SSBP3: variants seen among roughly 807,000 people sequenced by gnomAD.
The protein encoded by SSBP3 is single stranded DNA binding protein 3.
SSBP3 carries 5 observed loss-of-function variants against 69.6 expected under a neutral mutation model. That is an observed-to-expected ratio of 0.07 (90% confidence interval 0.04 to 0.15). The LOEUF is 0.15. SSBP3 is among the 10% of genes least tolerant of loss of function. The pLI is 1.00. For synonymous variants in SSBP3, 196 were observed against 193.4 expected, an observed-to-expected ratio of 1.01 and a Z score of -0.11; for missense variants, 312 against 534.0, an observed-to-expected ratio of 0.58 and a Z score of 4.10.
chr1:54,249,578 C>T (rs1644791673), intron 9 of SSBP3, among the ~76,000 whole-genome samples: 1 of 152,006 alleles, frequency 6.6e-6, no homozygotes, highest in African/African-American at 2.4e-5. Flanking sequence ...GCCTGTAGTC[C>T]CAGCTACTTG....
At chr1:54,339,203 A>AG (rs1325962247) in intron 4 of SSBP3, among the ~76,000 whole-genome samples, 1 of 152,196 alleles carries the variant, frequency 6.6e-6, no homozygotes, top group African/African-American at 2.4e-5. Flanking sequence ...ATGGGGGAGA[A>AG]GGGGGTCTTA....
At chr1:54,404,811 G>GGA (rs1553151465) in intron 2 of SSBP3, 47 bp downstream of exon 2, 25 of 990,732 alleles carry the variant, frequency 2.5e-5, no homozygotes, top group African/African-American at 7.2e-5. Flanking sequence ...AGAATAGTGG[G>GGA]GGGGGGGGGT....
intron 7 of SSBP3, among the ~76,000 whole-genome samples, chr1:54,253,186 G>GTTTTT (rs1491370826): frequency 1.7e-5 from 2 of 115,178 alleles, no homozygotes; most frequent in African/African-American, 7.4e-5. Flanking sequence ...TTTTTTTTTA[G>GTTTTT]TTTTTGTTTT....
chr1:54,357,942 C>T (rs908957241), intron 4 of SSBP3, among the ~76,000 whole-genome samples: 6 of 152,156 alleles, frequency 3.9e-5, no homozygotes, highest in African/African-American at 1.2e-4. Flanking sequence ...ACAGCACTTC[C>T]ACACCTACAC....
chr1:54,334,160 T>G (rs191825129), intron 4 of SSBP3, among the ~76,000 whole-genome samples: 102 of 152,280 alleles, frequency 6.7e-4, no homozygotes, highest in Middle Eastern at 6.8e-3. Flanking sequence ...GAGACCATCC[T>G]GGCCAACATG....
At chr1:54,344,158 C>A (rs1443664624) in intron 4 of SSBP3, among the ~76,000 whole-genome samples, 1 of 151,686 alleles carries the variant, frequency 6.6e-6, no homozygotes, top group Non-Finnish European at 1.5e-5. Flanking sequence ...CTTGTAAGGG[C>A]AGAGAAACGT....
intron 4 of SSBP3, among the ~76,000 whole-genome samples, chr1:54,355,353 A>G (rs533293483): frequency 6.6e-6 from 1 of 152,180 alleles, no homozygotes; most frequent in East Asian, 1.9e-4. Context: ...AATTTATTTT[A>G]CTTATTTATT....
rs537655371 is a variant in SSBP3, at chr1:54,281,754, C to T, written c.277-227G>A. Among the ~76,000 whole-genome samples the T allele has an allele frequency of 3.9e-5, 6 of 152,246 alleles. No individual in the cohort carries two copies. The South Asian group carries it at 6.2e-4, about 16-fold the overall frequency. On this transcript the variant is annotated intron_variant, in intron 4 of 17. Transcript: ENST00000610401. ...CAGACCTGGACTCAATTCCCAGGTC[C>T]GGCCCCCACTGAGCAAGCAACGAAT...
Position 54,240,047 on chromosome 1 carries a change from GGTGTGTGTGT to G in SSBP3, c.856+848_857-849del, listed in dbSNP as rs71066910. Among the ~76,000 whole-genome samples, 20 of 77,810 alleles carry G rather than the reference GGTGTGTGTGT, an allele frequency of 2.6e-4. No individual in the cohort carries two copies. The East Asian group carries it at 4.0e-3, about 15-fold the overall frequency. 51.0% of individuals were successfully genotyped at this position (77,810 alleles called of 152,430 possible). On this transcript the variant is annotated intron_variant, in intron 13 of 17. Coordinates refer to ENST00000610401, the Ensembl canonical transcript of SSBP3. ...TGGGAAAGAAACATAATTGTGATGG[GGTGTGTGTGT>G]GTGTGTGTGTGTGTGTGTGTGTGTG... is the stretch of plus-strand genomic sequence containing the variant.
intron 4 of SSBP3, among the ~76,000 whole-genome samples, chr1:54,283,288 A>T (rs1029687938): frequency 1.3e-5 from 2 of 150,942 alleles, no homozygotes; most frequent in African/African-American, 4.9e-5. Flanking sequence ...AAAAAAAAAA[A>T]AAAGGAACCA....
intron 3 of SSBP3, among the ~76,000 whole-genome samples, chr1:54,403,347 T>C (rs1649440775): frequency 6.6e-6 from 1 of 152,154 alleles, no homozygotes; most frequent in Non-Finnish European, 1.5e-5. Flanking sequence ...TAAAGGTTTC[T>C]AACACTACAA....
At chr1:54,407,159 G>T (rs914177447), upstream of SSBP3, among the ~76,000 whole-genome samples, 5 of 152,140 alleles carry the variant, frequency 3.3e-5, no homozygotes, top group Non-Finnish European at 7.4e-5. Context: ...AGCCGGGGGG[G>T]AGGGGGGCTG....
intron 4 of SSBP3, among the ~76,000 whole-genome samples, chr1:54,397,270 T>A (rs1371125813): frequency 6.6e-6 from 1 of 152,180 alleles, no homozygotes; most frequent in East Asian, 1.9e-4. Context: ...GCCACCCTCT[T>A]GTCCCCCTCC....
rs185109028 is a variant in SSBP3 at position 54,228,495 on chromosome 1, T to C, written c.1007-18A>G. Reference sequence around the variant, plus strand: ...GCCTGACCCTGGAAAGAAAAAATAATCCAATTCAGTTTCTTGCTTGCTCTT... The same window carrying C: ...GCCTGACCCTGGAAAGAAAAAATAACCCAATTCAGTTTCTTGCTTGCTCTT... On this transcript the variant is annotated intron_variant, in intron 15 of 17. Transcript: ENST00000610401. 465 of 1,614,116 alleles carry C rather than the reference T, an allele frequency of 2.9e-4. 1 individual carries two copies. The African/African-American group carries it at 4.9e-3, about 17-fold the overall frequency.
At chr1:54,279,866 T>C (rs1160878526) in intron 5 of SSBP3, among the ~76,000 whole-genome samples, 1 of 152,204 alleles carries the variant, frequency 6.6e-6, no homozygotes, top group Non-Finnish European at 1.5e-5. Context: ...GTTTCCAGTA[T>C]TTTAAGGTCT....
chr1:54,370,745 A>C (rs1647118841), intron 4 of SSBP3, among the ~76,000 whole-genome samples: 1 of 152,158 alleles, frequency 6.6e-6, no homozygotes, highest in Non-Finnish European at 1.5e-5. Flanking sequence ...GTTCTTCTCC[A>C]CAAGAGTGGC....
At chr1:54,328,266 G>A (rs17110413) in intron 4 of SSBP3, among the ~76,000 whole-genome samples, 33,957 of 152,096 alleles carry the variant, frequency 0.22, 6,863 homozygotes, top group African/African-American at 0.53. Flanking sequence ...ACACACGCAC[G>A]ACCCTGCCTG....
chr1:54,235,104 G>A (rs1032175297), intron 14 of SSBP3, among the ~76,000 whole-genome samples: 4 of 151,980 alleles, frequency 2.6e-5, no homozygotes, highest in East Asian at 1.9e-4. Flanking sequence ...AAGTACCTCC[G>A]GTTTTACTTA....
At chr1:54,376,994 T>C (rs1289938012) in intron 4 of SSBP3, among the ~76,000 whole-genome samples, 2 of 152,144 alleles carry the variant, frequency 1.3e-5, no homozygotes, top group Non-Finnish European at 2.9e-5. Context: ...TAAAAAGCAT[T>C]AAATGACAAA....
Sources: gnomAD v4.1 joint callset for allele counts (sites outside exome capture counted in the v4.1 genomes callset) on GRCh38, gnomAD v4.1.1 for gene constraint, MANE v1.5 for transcripts, NCBI Gene and HGNC (gene_info 2026-07-23, HGNC 2026-07-21) for gene names.